EBF4: variants seen among roughly 807,000 people sequenced by gnomAD.
EBF4 encodes transcription factor COE4.
EBF4 carries 34 observed loss-of-function variants against 67.1 expected under a neutral mutation model. That is an observed-to-expected ratio of 0.51 (90% confidence interval 0.39 to 0.67). The LOEUF (loss-of-function observed/expected upper bound fraction) is 0.67, where lower values mean the gene tolerates loss of function less well. Among genes scored for constraint, EBF4 ranks in the 30% least tolerant of loss-of-function variants. EBF4 has a pLI of 0.00. For synonymous variants in EBF4, 387 were observed against 377.7 expected (o/e 1.02, Z -0.29); for missense variants, 837 against 873.3 (o/e 0.96, Z 0.52).
chr20:2,752,174 GC>G lies in EBF4; in HGVS notation c.1264del (p.His422ThrfsTer125), dbSNP rs758001942. ...GGGCCGCTCGCACCCCTGGCCCCGA[GC>G]CACCCACACCCCGCCGTCGTGGGCA... On this transcript the variant is annotated frameshift_variant, in exon 13 of 17. Transcript: ENST00000609451. LOFTEE classifies it high-confidence loss of function. 2 of 1,443,074 alleles carry G rather than the reference GC, an allele frequency of 1.4e-6. No individual in the cohort carries two copies. The highest frequency in any genetic ancestry group is 1.4e-5 in the South Asian group (1 of 73,216). 89.4% of individuals were successfully genotyped at this position (1,443,074 alleles called of 1,614,324 possible). A position where few individuals can be genotyped will look rare whatever the true frequency, so the allele number is the denominator to read the frequency against.
chr20:2,726,656 C>A (rs2087750448), intron 6 of EBF4, among the ~76,000 whole-genome samples: 1 of 151,720 alleles, frequency 6.6e-6, no homozygotes, highest in Admixed American at 6.6e-5. Flanking sequence ...AGATCTAGTC[C>A]TTTTCCCCCA....
At chr20:2,748,717 C>G in intron 7 of EBF4, 87 bp downstream of exon 7, 1 of 1,439,564 alleles carries the variant, frequency 6.9e-7, no homozygotes, top group Admixed American at 2.0e-5. Flanking sequence ...TGTGACCCTG[C>G]CACCCTGGGA....
chr20:2,732,658 A>G (rs1397641893), intron 6 of EBF4, among the ~76,000 whole-genome samples: 1 of 152,196 alleles, frequency 6.6e-6, no homozygotes, highest in Non-Finnish European at 1.5e-5. Context: ...TAGACAGCAT[A>G]TAGTTGGATT....
In EBF4 at chr20:2,707,506, G is replaced by T. The variant is rs550863395; in HGVS notation, c.415-441G>T. Among the ~76,000 whole-genome samples the T allele has an allele frequency of 6.6e-6, 1 of 152,008 alleles. No individual in the cohort carries two copies. Among genetic ancestry groups the T allele is most frequent in the Non-Finnish European group, 1.5e-5 (1 of 68,000 alleles). ...CCTCGGAGCTGACTGGGCTGGCAGGGATAGCTGAGAAGGACAACACTCATC... is the reference window on the plus strand; with the variant it reads ...CCTCGGAGCTGACTGGGCTGGCAGGTATAGCTGAGAAGGACAACACTCATC... On this transcript the variant is annotated intron_variant, in intron 4 of 16. Coordinates refer to ENST00000609451, the Ensembl canonical transcript of EBF4. This position sits in a 1 kb window ranked among gnomAD's most constrained non-coding sequence, Gnocchi z 4.6.
chr20:2,705,719 G>A (rs777338481), exon 2 of EBF4: 12 of 1,550,716 alleles, frequency 7.7e-6, no homozygotes, highest in East Asian at 7.3e-5. Context: ...CATCGACTTC[G>A]TGGAAAAGGA....
intron 14 of EBF4, 80 bp downstream of exon 14, chr20:2,752,625 A>G: frequency 8.9e-7 from 1 of 1,122,408 alleles, no homozygotes; most frequent in Non-Finnish European, 1.1e-6. Context: ...CCCATCCCGG[A>G]GAGGTTGGGG....
intron 6 of EBF4, among the ~76,000 whole-genome samples, chr20:2,737,203 T>C (rs1334931113): frequency 1.4e-5 from 2 of 145,056 alleles, no homozygotes; most frequent in Admixed American, 1.4e-4. Flanking sequence ...TGAGCCGAGA[T>C]CGCGCCACTG....
intron 6 of EBF4, among the ~76,000 whole-genome samples, chr20:2,714,591 A>G (rs1180884748): frequency 6.6e-6 from 1 of 152,186 alleles, no homozygotes; most frequent in Non-Finnish European, 1.5e-5. Context: ...GGCTCCAGGA[A>G]TTCTTCTGCC....
At chr20:2,722,716 C>G (rs936392963) in intron 6 of EBF4, among the ~76,000 whole-genome samples, 4 of 152,092 alleles carry the variant, frequency 2.6e-5, no homozygotes, top group Admixed American at 2.0e-4. Flanking sequence ...GGATCACTGC[C>G]CTTCATTGTG....
At chr20:2,736,828 A>ACAAAGGTCTC (rs11471750) in intron 6 of EBF4, among the ~76,000 whole-genome samples, 59,162 of 151,618 alleles carry the variant, frequency 0.39, 13,507 homozygotes, top group African/African-American at 0.63. Flanking sequence ...AGTCATAAGG[A>ACAAAGGTCTC]CAAAGGACCC....
At position 2,705,970 on chromosome 20, in the gene EBF4, G is replaced by A. The variant is rs1568568187; in HGVS notation, c.295-4G>A. 3.2e-6 allele frequency: 5 copies of A among 1,551,290 alleles called. No homozygotes were observed. The highest frequency in any genetic ancestry group is 4.4e-6 in the Non-Finnish European group (5 of 1,146,826). ...CCGAGCATCCTCCCATCTTGTCCCT[G>A]CAGGAGCCCGGGGCGGAAAAGACTA... On this transcript the variant is annotated splice_region_variant and splice_polypyrimidine_tract_variant and intron_variant, in intron 2 of 16. Transcript: ENST00000609451.
In EBF4 at chr20:2,755,604, C is replaced by A; in HGVS notation, c.1541-23C>A. On this transcript the variant is annotated intron_variant, in intron 14 of 16. Coordinates refer to ENST00000609451, the Ensembl canonical transcript of EBF4. This position sits in a 1 kb window ranked among gnomAD's most constrained non-coding sequence, Gnocchi z 4.7. Reference sequence around the variant, plus strand: ...CCCACCACCTTCCCTGCTGCGCCTGCCCCTCCCCGCCCCGCCCCGGAGTCA... The same window carrying A: ...CCCACCACCTTCCCTGCTGCGCCTGACCCTCCCCGCCCCGCCCCGGAGTCA... The A allele has an allele frequency of 9.7e-7, 1 of 1,034,886 alleles. No individual in the cohort carries two copies. Among genetic ancestry groups the A allele is most frequent in the Non-Finnish European group, 1.5e-6 (1 of 684,666 alleles). The allele number at this position is 1,034,886 out of a possible 1,614,324, so 64.1% of individuals were successfully genotyped here.
Position 2,707,979 on chromosome 20 carries a change from C to A in EBF4, c.447C>A (p.Pro149=). ...TCTATGAGGGGCAGGACAAGAACCC[C>A]GAAATGTGCCGAGTGCTGCTCACCC... The change falls in exon 5 of 17, where the codon CCC becomes CCA. Residue 149 remains proline (P), a synonymous_variant. Coordinates refer to ENST00000609451, the Ensembl canonical transcript of EBF4. The surrounding 1 kb of genome is among the most constrained non-coding windows in gnomAD (Gnocchi z 4.6). The A allele has an allele frequency of 1.2e-6, 2 of 1,608,034 alleles. No individual in the cohort carries two copies. Among genetic ancestry groups the A allele is most frequent in the East Asian group, 2.2e-5 (1 of 44,754 alleles).
intron 6 of EBF4, among the ~76,000 whole-genome samples, chr20:2,737,205 G>A (rs111826246): frequency 0.037 from 5,465 of 147,954 alleles, 181 homozygotes; most frequent in African/African-American, 0.092. Context: ...AGCCGAGATC[G>A]CGCCACTGCA....
At chr20:2,752,481 C>A (rs1346769558) in exon 14 of EBF4, 1 of 1,262,990 alleles carries the variant, frequency 7.9e-7, no homozygotes. Context: ...CGGGCGTGGC[C>A]GGCCTCGGCG....
At chr20:2,735,125 A>G (rs1032968887) in intron 6 of EBF4, among the ~76,000 whole-genome samples, 1 of 152,218 alleles carries the variant, frequency 6.6e-6, no homozygotes, top group African/African-American at 2.4e-5. Flanking sequence ...GCTGTTTTCA[A>G]CAAACACCCT....
intron 8 of EBF4, 26 bp from the exon 9 acceptor site, chr20:2,749,594 G>T: frequency 6.4e-7 from 1 of 1,550,594 alleles, no homozygotes; most frequent in South Asian, 1.2e-5. Context: ...GCGGTCCCCT[G>T]ACCTGGGTCC....
At position 2,711,593 on chromosome 20, in the gene EBF4, T is replaced by C. The variant is rs556757686; in HGVS notation, c.557+1951T>C. On this transcript the variant is annotated intron_variant, in intron 6 of 16. Transcript: ENST00000609451. ...AGCAATTTTGAGAATGCCTATTCCT[T>C]ACACTCTGGCCAATTAAGTATTTTT... Among the ~76,000 whole-genome samples, 3 of 152,338 alleles carry C rather than the reference T, an allele frequency of 2.0e-5. No homozygotes were observed. The South Asian group carries it at 6.2e-4, about 32-fold the overall frequency.
chr20:2,755,616 C>A lies in EBF4; in HGVS notation c.1541-11C>A. Reference sequence around the variant, plus strand: ...CCTGCTGCGCCTGCCCCTCCCCGCCCCGCCCCGGAGTCATGCCCTCTAGCC... The same window carrying A: ...CCTGCTGCGCCTGCCCCTCCCCGCCACGCCCCGGAGTCATGCCCTCTAGCC... On this transcript the variant is annotated splice_polypyrimidine_tract_variant and intron_variant, in intron 14 of 16. Coordinates refer to ENST00000609451, the Ensembl canonical transcript of EBF4. The surrounding 1 kb of genome is among the most constrained non-coding windows in gnomAD (Gnocchi z 4.7). The A allele has an allele frequency of 7.3e-7, 1 of 1,367,042 alleles. No individual in the cohort carries two copies. The highest frequency in any genetic ancestry group is 1.0e-6 in the Non-Finnish European group (1 of 984,838). 84.7% of individuals were successfully genotyped at this position (1,367,042 alleles called of 1,614,324 possible).
Sources: allele counts gnomAD v4.1 joint callset (sites outside exome capture counted in the v4.1 genomes callset), GRCh38; gene constraint gnomAD v4.1.1; non-coding constraint Gnocchi (gnomAD v3.1); transcripts MANE v1.5; gene names NCBI Gene and HGNC (gene_info 2026-07-23, HGNC 2026-07-21).